Variants in DPYD observed in about 807,000 individuals in gnomAD.
The protein encoded by DPYD is dihydropyrimidine dehydrogenase.
DPYD carries 109 observed loss-of-function variants against 116.2 expected under a neutral mutation model. The observed-to-expected ratio is 0.94, with a 90% CI of 0.80 to 1.10. DPYD has a LOEUF of 1.10. DPYD is among the 50% of genes least tolerant of loss of function. DPYD has a pLI of 0.00. For synonymous variants in DPYD, 440 were observed against 432.0 expected, an observed-to-expected ratio of 1.02 and a Z score of -0.23; for missense variants, 1,302 against 1,254.5, an observed-to-expected ratio of 1.04 and a Z score of -0.57.
chr1:97,336,051 T>A (rs987552177), intron 16 of DPYD, among the ~76,000 whole-genome samples: 2 of 152,182 alleles, frequency 1.3e-5, no homozygotes, highest in African/African-American at 4.8e-5. Context: ...AGCTTAATAG[T>A]TTTTCCTTAT....
intron 12 of DPYD, among the ~76,000 whole-genome samples, chr1:97,532,161 T>C (rs1289433089): frequency 6.6e-6 from 1 of 152,160 alleles, no homozygotes; most frequent in Non-Finnish European, 1.5e-5. Context: ...AATGCGGTGT[T>C]ATCACATTTA....
intron 18 of DPYD, among the ~76,000 whole-genome samples, chr1:97,270,042 G>A (rs181499937): frequency 8.5e-5 from 13 of 152,190 alleles, no homozygotes; most frequent in South Asian, 2.1e-4. Flanking sequence ...GGTGCTTTTC[G>A]GAGGGACATA....
At chr1:97,496,319 C>A (rs993495630) in intron 13 of DPYD, among the ~76,000 whole-genome samples, 10 of 152,002 alleles carry the variant, frequency 6.6e-5, no homozygotes, top group African/African-American at 2.2e-4. Flanking sequence ...TCCACTCTAT[C>A]CTCAACATCC....
intron 3 of DPYD, among the ~76,000 whole-genome samples, chr1:97,748,545 G>A (rs1454095742): frequency 2.0e-5 from 3 of 152,128 alleles, no homozygotes; most frequent in African/African-American, 4.8e-5. Flanking sequence ...GGAGGCGGAG[G>A]TTGCAATGAG....
chr1:97,165,612 G>C (rs1245808885), intron 20 of DPYD, among the ~76,000 whole-genome samples: 1 of 152,016 alleles, frequency 6.6e-6, no homozygotes, highest in Admixed American at 6.6e-5. Context: ...CAGAAAAAGA[G>C]AATGTCAACA....
rs551935755 is a variant in DPYD, at chr1:97,821,650, C to T, written c.233+6464G>A. Among the ~76,000 whole-genome samples, 39 of 152,214 alleles carry T rather than the reference C, an allele frequency of 2.6e-4. No individual in the cohort carries two copies. In the South Asian group the frequency reaches 7.9e-3, roughly 31 times the overall value. ...AGAAATGCTGTATAAGATTTCCACACCCATGGCACTACAATAGACTATGTA... is the reference window on the plus strand; with the variant it reads ...AGAAATGCTGTATAAGATTTCCACATCCATGGCACTACAATAGACTATGTA... On this transcript the variant is annotated intron_variant, in intron 3 of 22. Coordinates refer to ENST00000370192, the MANE Select transcript of DPYD (RefSeq NM_000110.4).
intron 13 of DPYD, among the ~76,000 whole-genome samples, chr1:97,475,101 G>A (rs992634597): frequency 2.6e-5 from 4 of 152,090 alleles, no homozygotes; most frequent in Non-Finnish European, 5.9e-5. Context: ...GACCAATGGA[G>A]CAAAACAGCA....
At chr1:97,920,148 C>T (rs1386304566) in intron 1 of DPYD, among the ~76,000 whole-genome samples, 1 of 152,126 alleles carries the variant, frequency 6.6e-6, no homozygotes, top group Non-Finnish European at 1.5e-5. Context: ...TAATTAAATC[C>T]TTTTCATCGC....
At chr1:97,912,512 C>T (rs776776604) in intron 1 of DPYD, among the ~76,000 whole-genome samples, 4 of 152,024 alleles carry the variant, frequency 2.6e-5, no homozygotes, top group Non-Finnish European at 5.9e-5. Context: ...AAGATTACCT[C>T]GTGCACAGGA....
At chr1:97,115,771 T>C (rs1160092855) in intron 20 of DPYD, among the ~76,000 whole-genome samples, 1 of 152,126 alleles carries the variant, frequency 6.6e-6, no homozygotes, top group Non-Finnish European at 1.5e-5. Context: ...TTTAGAATGG[T>C]AGATATCAAA....
chr1:97,901,036 AT>A lies in DPYD; in HGVS notation c.40-17663del, dbSNP rs934383891. Among the ~76,000 whole-genome samples the A allele has an allele frequency of 5.3e-5, 8 of 151,914 alleles. No homozygotes were observed. The South Asian group carries it at 1.0e-3, about 20-fold the overall frequency. ...TTATATTAAAAAATGATATAAGAAC[AT>A]TTTTTAATGTTCTTATATCAGATGA... On this transcript the variant is annotated intron_variant, in intron 1 of 22. Coordinates refer to ENST00000370192, the MANE Select transcript of DPYD (RefSeq NM_000110.4).
intron 6 of DPYD, among the ~76,000 whole-genome samples, chr1:97,695,887 T>A (rs944369792): frequency 3.9e-5 from 6 of 152,090 alleles, no homozygotes; most frequent in Non-Finnish European, 5.9e-5. Flanking sequence ...CCCAGCCCTT[T>A]GGGAGGCCAA....
At chr1:97,546,364 G>C in intron 12 of DPYD, 2 of 1,434,068 alleles carry the variant, frequency 1.4e-6, no homozygotes. Flanking sequence ...TGAAGCTGCA[G>C]TAAAGGAAGA....
In DPYD at chr1:97,216,789, G is replaced by A. The variant is rs141614636; in HGVS notation, c.2442+18063C>T. Among the ~76,000 whole-genome samples, 708 of 150,484 alleles carry A rather than the reference G, an allele frequency of 4.7e-3. 6 individuals carry two copies. Among genetic ancestry groups the A allele is most frequent in the African/African-American group, 0.016 (651 of 40,992 alleles). Reference sequence around the variant, plus strand: ...CAGCCTGGGTGACAGAGCGACACTCGTCTCAAACAACAACAACAAAAAAGT... The same window carrying A: ...CAGCCTGGGTGACAGAGCGACACTCATCTCAAACAACAACAACAAAAAAGT... On this transcript the variant is annotated intron_variant, in intron 19 of 22. Coordinates refer to ENST00000370192, the MANE Select transcript of DPYD (RefSeq NM_000110.4).
intron 22 of DPYD, among the ~76,000 whole-genome samples, chr1:97,081,539 G>C (rs1649145343): frequency 5.3e-5 from 8 of 151,932 alleles, no homozygotes; most frequent in Admixed American, 5.3e-4. Context: ...CCAGTTAAAA[G>C]TCATAGTTGT....
chr1:97,333,319 G>A (rs1001543358), intron 16 of DPYD, among the ~76,000 whole-genome samples: 1 of 151,998 alleles, frequency 6.6e-6, no homozygotes, highest in Admixed American at 6.6e-5. Flanking sequence ...GTGGTCTGTA[G>A]TCAGAGCTGC....
At chr1:97,732,610 A>G (rs957396339) in intron 4 of DPYD, among the ~76,000 whole-genome samples, 2 of 152,078 alleles carry the variant, frequency 1.3e-5, no homozygotes, top group Non-Finnish European at 2.9e-5. Flanking sequence ...CACACCATAC[A>G]TTCAATTAAG....
chr1:97,355,327 A>G (rs1570582195), intron 16 of DPYD, among the ~76,000 whole-genome samples: 1 of 152,184 alleles, frequency 6.6e-6, no homozygotes. Context: ...ATTTATGAAT[A>G]CAATGTATAC....
intron 14 of DPYD, among the ~76,000 whole-genome samples, chr1:97,448,195 C>T (rs377543866): frequency 9.5e-4 from 145 of 152,066 alleles, no homozygotes; most frequent in African/African-American, 3.1e-3. Flanking sequence ...CTGGCCTGGG[C>T]GGGGGGACCC....
Sources: gnomAD v4.1 joint callset for allele counts (sites outside exome capture counted in the v4.1 genomes callset) on GRCh38, gnomAD v4.1.1 for gene constraint, MANE v1.5 for transcripts, NCBI Gene and HGNC (gene_info 2026-07-23, HGNC 2026-07-21) for gene names.